Variants in ASIC2 observed in about 807,000 individuals in gnomAD.
ASIC2 encodes the protein acid-sensing ion channel 2.
In ASIC2, 25 loss-of-function variants were observed where a neutral mutation model predicts 57.3. That is an observed-to-expected ratio of 0.44 (90% confidence interval 0.32 to 0.61). The LOEUF (loss-of-function observed/expected upper bound fraction) is 0.61. ASIC2 is among the 20% of genes least tolerant of loss of function. The probability of loss-of-function intolerance (pLI) is 0.06; values close to 1 mark genes in which losing one functional copy is unlikely to be tolerated. For missense variants in ASIC2, 641 were observed against 738.1 expected, an observed-to-expected ratio of 0.87 and a Z score of 1.52; for synonymous variants, 319 against 307.5, an observed-to-expected ratio of 1.04 and a Z score of -0.39.
At chr17:34,038,919 G>GA in intron 1 of ASIC2, 1 of 1,612,720 alleles carries the variant, frequency 6.2e-7, no homozygotes, top group Admixed American at 1.7e-5. Context: ...ATAAGATTCT[G>GA]AAAAGCATAA....
chr17:33,545,873 A>G (rs181178402), intron 1 of ASIC2, among the ~76,000 whole-genome samples: 2 of 152,282 alleles, frequency 1.3e-5, no homozygotes, highest in Admixed American at 1.3e-4. Flanking sequence ...ATTTTGCCCC[A>G]GCATTATTCT....
chr17:34,140,218 A>C (rs1912235972), intron 1 of ASIC2, among the ~76,000 whole-genome samples: 2 of 152,164 alleles, frequency 1.3e-5, no homozygotes, highest in Non-Finnish European at 2.9e-5. Flanking sequence ...GGCGCCATTC[A>C]AGAGAATTGA....
intron 1 of ASIC2, among the ~76,000 whole-genome samples, chr17:33,878,971 G>T (rs1167009716): frequency 6.6e-6 from 1 of 152,166 alleles, no homozygotes; most frequent in Non-Finnish European, 1.5e-5. Context: ...TTAAAGAAAA[G>T]AATTTTCAAC....
At chr17:34,087,962 T>C (rs1002294408) in intron 1 of ASIC2, among the ~76,000 whole-genome samples, 5 of 152,172 alleles carry the variant, frequency 3.3e-5, no homozygotes, top group Admixed American at 1.3e-4. Flanking sequence ...TCAAAGTTTT[T>C]AACTTCTTTG....
chr17:33,472,470 G>A (rs1913087584), intron 1 of ASIC2, among the ~76,000 whole-genome samples: 1 of 152,184 alleles, frequency 6.6e-6, no homozygotes, highest in Non-Finnish European at 1.5e-5. Flanking sequence ...GCTGAGAGGT[G>A]AGTTTTGCAA....
chr17:34,142,048 G>T (rs35244258), intron 1 of ASIC2, among the ~76,000 whole-genome samples: 48,988 of 152,052 alleles, frequency 0.32, 8,772 homozygotes, highest in Middle Eastern at 0.45. Context: ...TAACAGGCCC[G>T]GGGGAATGAA....
chr17:34,041,677 C>A (rs9908213), intron 1 of ASIC2, among the ~76,000 whole-genome samples: 66,544 of 151,992 alleles, frequency 0.44, 15,610 homozygotes, highest in African/African-American at 0.62. Context: ...AGTTCTTCCC[C>A]CCTCTCAGTG....
intron 1 of ASIC2, among the ~76,000 whole-genome samples, chr17:33,846,360 T>C (rs1314124224): frequency 6.6e-6 from 1 of 152,186 alleles, no homozygotes; most frequent in African/African-American, 2.4e-5. Context: ...AGCCACTTGC[T>C]TCACCTGCCC....
intron 1 of ASIC2, among the ~76,000 whole-genome samples, chr17:33,625,129 GTCTATCTATCTATCTATCTA>G (rs199907150): frequency 1.4e-5 from 2 of 146,340 alleles, no homozygotes; most frequent in African/African-American, 5.0e-5. Flanking sequence ...TGGCCTCTCT[GTCTATCTATCTATCTATCTA>G]TCTATCTATC....
intron 1 of ASIC2, among the ~76,000 whole-genome samples, chr17:33,470,021 A>G (rs1016748906): frequency 3.3e-5 from 5 of 152,160 alleles, no homozygotes. Context: ...AATGCATAAT[A>G]CAAAGCAGAA....
chr17:33,694,282 C>T (rs73280972), intron 1 of ASIC2, among the ~76,000 whole-genome samples: 3,799 of 152,226 alleles, frequency 0.025, 143 homozygotes, highest in African/African-American at 0.087. Context: ...TATGAAAATG[C>T]GTTCCATCCA....
intron 1 of ASIC2, among the ~76,000 whole-genome samples, chr17:34,145,075 G>A (rs1209616321): frequency 5.9e-5 from 9 of 152,168 alleles, no homozygotes; most frequent in African/African-American, 2.2e-4. Flanking sequence ...AAATTCCTCT[G>A]GGAACTGCCT....
chr17:33,340,435 C>G (rs919894053), intron 1 of ASIC2, among the ~76,000 whole-genome samples: 1 of 152,016 alleles, frequency 6.6e-6, no homozygotes, highest in African/African-American at 2.4e-5. Context: ...ATACTGCTCT[C>G]TTTTTTTTCT....
At chr17:33,151,186 C>T (rs1408605477) in intron 1 of ASIC2, among the ~76,000 whole-genome samples, 1 of 147,988 alleles carries the variant, frequency 6.8e-6, no homozygotes, top group Non-Finnish European at 1.5e-5. Context: ...CACACGCACA[C>T]ACACACACAC....
intron 1 of ASIC2, among the ~76,000 whole-genome samples, chr17:33,159,988 C>A (rs1213780734): frequency 6.6e-6 from 1 of 151,828 alleles, no homozygotes; most frequent in East Asian, 1.9e-4. Context: ...GTGGGAGGAT[C>A]GCGTGAGCTC....
chr17:33,027,262 G>T, intron 4 of ASIC2, among the ~76,000 whole-genome samples: 1 of 152,138 alleles, frequency 6.6e-6, no homozygotes, highest in East Asian at 1.9e-4. Context: ...GAAAAGGGGG[G>T]TTGATTTTGA....
intron 2 of ASIC2, among the ~76,000 whole-genome samples, chr17:33,102,990 C>A (rs547526220): frequency 3.2e-3 from 492 of 152,074 alleles, no homozygotes; most frequent in African/African-American, 4.7e-3. Context: ...TCACCATGTT[C>A]GCCAGGATGG....
chr17:33,196,347 T>C (rs1906629093), intron 1 of ASIC2, among the ~76,000 whole-genome samples: 1 of 151,012 alleles, frequency 6.6e-6, no homozygotes, highest in African/African-American at 2.5e-5. Context: ...ATGATGATGA[T>C]CACTTCTAGA....
At chr17:33,958,713 C>T (rs1007312089) in intron 1 of ASIC2, among the ~76,000 whole-genome samples, 13 of 152,132 alleles carry the variant, frequency 8.5e-5, no homozygotes, top group Non-Finnish European at 8.8e-5. Context: ...CTGCCACAAA[C>T]GTCTCTGATA....
Sources: gnomAD v4.1 joint callset for allele counts (sites outside exome capture counted in the v4.1 genomes callset) on GRCh38, gnomAD v4.1.1 for gene constraint, MANE v1.5 for transcripts, NCBI Gene and HGNC (gene_info 2026-07-23, HGNC 2026-07-21) for gene names.